The following PRKCA variants were observed in gnomAD, a reference collection of about 807,000 sequenced individuals.
PRKCA encodes the protein protein kinase C alpha type.
In PRKCA, 27 loss-of-function variants were observed where a neutral mutation model predicts 87.0. That is an observed-to-expected ratio of 0.31 (90% confidence interval 0.23 to 0.43). The LOEUF (loss-of-function observed/expected upper bound fraction) is 0.43. Among genes scored for constraint, PRKCA ranks in the 20% least tolerant of loss-of-function variants. The pLI, the probability that PRKCA is intolerant of heterozygous loss-of-function variation, is 1.00. For missense variants in PRKCA, 518 were observed against 852.3 expected (o/e 0.61, Z 4.88); for synonymous variants, 329 against 311.1 (o/e 1.06, Z -0.61).
chr17:66,567,221 T>G (rs1968930170), intron 3 of PRKCA, among the ~76,000 whole-genome samples: 1 of 152,178 alleles, frequency 6.6e-6, no homozygotes, highest in African/African-American at 2.4e-5. Context: ...AATTAATTTC[T>G]CTAAGTATGA....
At chr17:66,376,471 G>A (rs182071609) in intron 2 of PRKCA, among the ~76,000 whole-genome samples, 33 of 152,296 alleles carry the variant, frequency 2.2e-4, no homozygotes, top group African/African-American at 7.7e-4. Flanking sequence ...ATCTGGGCAT[G>A]GTGGTGGGCG....
At chr17:66,389,368 G>T (rs7208898) in intron 2 of PRKCA, among the ~76,000 whole-genome samples, 120,509 of 152,168 alleles carry the variant, frequency 0.79, 48,214 homozygotes, top group South Asian at 0.87. Flanking sequence ...GGAACAGCAC[G>T]CGGGGTTCAG....
At chr17:66,625,255 G>C (rs75366038) in intron 3 of PRKCA, among the ~76,000 whole-genome samples, 52 of 152,302 alleles carry the variant, frequency 3.4e-4, no homozygotes, top group Middle Eastern at 3.4e-3. Context: ...TGTTTGAATT[G>C]CATGTAGCAT....
At chr17:66,543,463 T>C (rs1968053422) in intron 3 of PRKCA, among the ~76,000 whole-genome samples, 1 of 152,178 alleles carries the variant, frequency 6.6e-6, no homozygotes, top group Admixed American at 6.5e-5. Flanking sequence ...ACTAATGAAA[T>C]GAAATCAGTG....
intron 2 of PRKCA, among the ~76,000 whole-genome samples, chr17:66,311,538 G>A (rs1279170705): frequency 6.6e-6 from 1 of 152,176 alleles, no homozygotes; most frequent in African/African-American, 2.4e-5. Context: ...GATCACTTGA[G>A]CCTGGGAGGT....
intron 3 of PRKCA, among the ~76,000 whole-genome samples, chr17:66,531,248 G>A (rs1034768180): frequency 1.6e-4 from 24 of 152,200 alleles, no homozygotes; most frequent in African/African-American, 4.8e-4. Context: ...GAGGAGCCGC[G>A]TTCACATAGG....
chr17:66,474,301 A>C (rs1004200748), intron 2 of PRKCA, among the ~76,000 whole-genome samples: 1 of 152,194 alleles, frequency 6.6e-6, no homozygotes, highest in Non-Finnish European at 1.5e-5. Context: ...GTATATGTGC[A>C]TGCATGAACA....
chr17:66,778,388 C>T (rs1007001369), intron 14 of PRKCA: 5 of 245,192 alleles, frequency 2.0e-5, no homozygotes, highest in Non-Finnish European at 3.3e-5. Context: ...TGGTGGCGGG[C>T]GCCTGTAGTC....
At chr17:66,793,878 T>C (rs2144400895) in intron 16 of PRKCA, among the ~76,000 whole-genome samples, 1 of 152,352 alleles carries the variant, frequency 6.6e-6, no homozygotes. Context: ...CACCGTCACT[T>C]TGAATTTTGT....
intron 3 of PRKCA, among the ~76,000 whole-genome samples, chr17:66,521,029 G>T (rs1480726381): frequency 6.6e-6 from 1 of 152,168 alleles, no homozygotes; most frequent in Non-Finnish European, 1.5e-5. Flanking sequence ...ATGCTTCGGG[G>T]ACAGTGTGGC....
chr17:66,769,355 C>CAA lies in PRKCA; in HGVS notation c.1525-4618_1525-4617dup, dbSNP rs534779519. Among the ~76,000 whole-genome samples, 489 of 128,014 alleles carry CAA rather than the reference C, an allele frequency of 3.8e-3. 1 individual carries two copies. The highest frequency in any genetic ancestry group is 5.9e-3 in the Admixed American group (74 of 12,442). 84.0% of individuals were successfully genotyped at this position (128,014 alleles called of 152,430 possible). On this transcript the variant is annotated intron_variant, in intron 13 of 16. Transcript: ENST00000413366. ...TGGGCAGCAGAGCAAGACACTGTCT[C>CAA]AAAAAAAAAAAAAAATAGTATTGCC...
chr17:66,711,757 C>A (rs57007285), intron 8 of PRKCA, among the ~76,000 whole-genome samples: 11,245 of 152,166 alleles, frequency 0.074, 444 homozygotes, highest in Middle Eastern at 0.15. Flanking sequence ...AGCTGGAATC[C>A]ACATCTAATG....
intron 2 of PRKCA, among the ~76,000 whole-genome samples, chr17:66,352,564 T>TTG (rs1296535155): frequency 1.5e-5 from 2 of 132,428 alleles, no homozygotes; most frequent in East Asian, 2.2e-4. Context: ...TGAGGTTTTT[T>TTG]TTTTTTTTTT....
At chr17:66,681,952 C>T (rs1965108085) in intron 5 of PRKCA, among the ~76,000 whole-genome samples, 1 of 152,206 alleles carries the variant, frequency 6.6e-6, no homozygotes, top group Non-Finnish European at 1.5e-5. Flanking sequence ...CAAGCAGGCT[C>T]TTGGCAAAAT....
intron 8 of PRKCA, among the ~76,000 whole-genome samples, chr17:66,727,511 T>A (rs781216365): frequency 2.0e-5 from 3 of 152,188 alleles, no homozygotes; most frequent in Non-Finnish European, 4.4e-5. Flanking sequence ...CAGCACCATG[T>A]TGGGTCCAGT....
intron 5 of PRKCA, among the ~76,000 whole-genome samples, chr17:66,682,706 TTTGTTG>T (rs3053459): frequency 6.1e-4 from 92 of 151,872 alleles, no homozygotes; most frequent in African/African-American, 2.0e-3. Flanking sequence ...GTAGTGTGAT[TTTGTTG>T]TTGTTGTTGT....
chr17:66,781,055 G>C (rs1975195488), intron 14 of PRKCA, among the ~76,000 whole-genome samples: 1 of 152,142 alleles, frequency 6.6e-6, no homozygotes, highest in Non-Finnish European at 1.5e-5. Flanking sequence ...GCTTCAGTGA[G>C]CTGAGATCGC....
At chr17:66,501,107 C>T (rs1916713115) in intron 3 of PRKCA, among the ~76,000 whole-genome samples, 1 of 152,092 alleles carries the variant, frequency 6.6e-6, no homozygotes, top group Non-Finnish European at 1.5e-5. Flanking sequence ...AATATTGTAC[C>T]TGCTCTGCCA....
chr17:66,408,869 C>T (rs960552229), intron 2 of PRKCA, among the ~76,000 whole-genome samples: 1 of 151,458 alleles, frequency 6.6e-6, no homozygotes, highest in East Asian at 1.9e-4. Context: ...CTGGCCAACA[C>T]GATGAAACCC....
Sources: gnomAD v4.1 joint callset for allele counts (sites outside exome capture counted in the v4.1 genomes callset) on GRCh38, gnomAD v4.1.1 for gene constraint, MANE v1.5 for transcripts, NCBI Gene and HGNC (gene_info 2026-07-23, HGNC 2026-07-21) for gene names.